The following GRIA4 variants were observed in gnomAD, a reference collection of about 807,000 sequenced individuals.
GRIA4 encodes glutamate ionotropic receptor AMPA type subunit 4, also known as glutamate receptor 4.
Under a neutral mutation model 104.0 loss-of-function variants are expected in GRIA4, and 34 were observed. The ratio of observed to expected loss-of-function variants is 0.33; its 90% CI spans 0.25 to 0.44. The LOEUF (loss-of-function observed/expected upper bound fraction) is 0.44, where lower values mean the gene tolerates loss of function less well. Ranked by LOEUF, GRIA4 falls within the 20% of genes least tolerant of loss-of-function variation. The pLI is 1.00. For synonymous variants in GRIA4, 386 were observed against 381.9 expected (o/e 1.01, Z -0.13); for missense variants, 750 against 1,096.5 (o/e 0.68, Z 4.46).
In GRIA4 at chr11:105,772,919, C is replaced by A. The variant is rs539049707; in HGVS notation, c.487+19699C>A. On this transcript the variant is annotated intron_variant, in intron 4 of 16. Transcript: ENST00000282499. ...TTATTGTAAAACAAGAAAACTAATA[C>A]AAATAAGCTAAGCTTTAACTCAAGA... 3.3e-5 allele frequency among the ~76,000 whole-genome samples: 5 copies of A among 151,988 alleles called. No homozygotes were observed. The South Asian group carries it at 1.0e-3, about 32-fold the overall frequency.
chr11:105,897,581 T>C (rs955390893), intron 6 of GRIA4, among the ~76,000 whole-genome samples: 2 of 152,070 alleles, frequency 1.3e-5, no homozygotes, highest in Admixed American at 6.6e-5. Flanking sequence ...AGATATGTTC[T>C]TTTGATGCCT....
At chr11:105,844,163 A>C (rs540538318) in intron 4 of GRIA4, among the ~76,000 whole-genome samples, 13 of 152,304 alleles carry the variant, frequency 8.5e-5, no homozygotes, top group Non-Finnish European at 1.6e-4. Context: ...ATAAGCAATC[A>C]AAGTTAAACA....
chr11:105,887,294 C>T (rs935074659), intron 5 of GRIA4, among the ~76,000 whole-genome samples: 6 of 151,954 alleles, frequency 3.9e-5, no homozygotes, highest in Admixed American at 2.0e-4. Flanking sequence ...ATTTTCTGAA[C>T]GAGGTTGATA....
chr11:105,783,782 G>GTGTGTA (rs1941836939), intron 4 of GRIA4, among the ~76,000 whole-genome samples: 1 of 142,040 alleles, frequency 7.0e-6, no homozygotes, highest in Non-Finnish European at 1.6e-5. Context: ...GTGTGTGTGT[G>GTGTGTA]TGTGTATGTG....
At chr11:105,713,617 G>A (rs770377811) in intron 3 of GRIA4, among the ~76,000 whole-genome samples, 8 of 152,024 alleles carry the variant, frequency 5.3e-5, no homozygotes, top group Admixed American at 2.0e-4. Context: ...TGTGATTTGT[G>A]GGGATAAAAG....
In GRIA4 at chr11:105,779,318, T is replaced by A. The variant is rs545580942; in HGVS notation, c.487+26098T>A. ...TACAAACAAATGGAAGAACATTCCA[T>A]GCTCATGGGTGGGAAGAATCAATAT... On this transcript the variant is annotated intron_variant, in intron 4 of 16. Coordinates refer to ENST00000282499, the MANE Select transcript of GRIA4 (RefSeq NM_000829.4). 5.9e-5 allele frequency among the ~76,000 whole-genome samples: 9 copies of A among 152,198 alleles called. No individual in the cohort carries two copies. In the East Asian group the frequency reaches 1.7e-3, roughly 30 times the overall value.
intron 5 of GRIA4, among the ~76,000 whole-genome samples, chr11:105,866,549 G>GTATATATATATATATA (rs1345654796): frequency 9.3e-4 from 73 of 78,196 alleles, no homozygotes; most frequent in African/African-American, 2.4e-3. Flanking sequence ...GTGTGTGTGT[G>GTATATATATATATATA]TGTATATATA....
intron 4 of GRIA4, among the ~76,000 whole-genome samples, chr11:105,780,973 C>T (rs1164145471): frequency 1.3e-5 from 2 of 152,162 alleles, no homozygotes; most frequent in Non-Finnish European, 2.9e-5. Context: ...GTCATTCAAC[C>T]TCTAGCTCAT....
Position 105,888,143 on chromosome 11 carries a change from C to T in GRIA4, c.726+571C>T, listed in dbSNP as rs369059412. 4.6e-5 allele frequency among the ~76,000 whole-genome samples: 7 copies of T among 151,970 alleles called. No individual in the cohort carries two copies. In the East Asian group the frequency reaches 1.2e-3, roughly 25 times the overall value. Reference sequence around the variant, plus strand: ...GGCTCATTGAATATGTCTTGTTAACCATGTAGTGTAGGGGGTAGATTATGT... The same window carrying T: ...GGCTCATTGAATATGTCTTGTTAACTATGTAGTGTAGGGGGTAGATTATGT... On this transcript the variant is annotated intron_variant, in intron 6 of 16. Transcript: ENST00000282499.
intron 4 of GRIA4, among the ~76,000 whole-genome samples, chr11:105,777,472 C>A (rs1284211907): frequency 6.6e-6 from 1 of 152,012 alleles, no homozygotes; most frequent in Non-Finnish European, 1.5e-5. Flanking sequence ...ATGTGTCTTT[C>A]CTTATATTCT....
chr11:105,825,233 C>T (rs1943724624), intron 4 of GRIA4, among the ~76,000 whole-genome samples: 1 of 151,966 alleles, frequency 6.6e-6, no homozygotes, highest in African/African-American at 2.4e-5. Flanking sequence ...AGCCAAGTGG[C>T]CACATTCATT....
At chr11:105,623,419 A>G (rs1950805721) in intron 3 of GRIA4, among the ~76,000 whole-genome samples, 1 of 151,980 alleles carries the variant, frequency 6.6e-6, no homozygotes, top group Non-Finnish European at 1.5e-5. Context: ...TAAATCAGAG[A>G]CTGTTTCTTT....
chr11:105,698,345 T>G (rs1314600055), intron 3 of GRIA4, among the ~76,000 whole-genome samples: 1 of 152,202 alleles, frequency 6.6e-6, no homozygotes, highest in Non-Finnish European at 1.5e-5. Context: ...TGTTTTTGTA[T>G]AAACCTCATG....
At chr11:105,722,863 C>T (rs1937925521) in intron 3 of GRIA4, among the ~76,000 whole-genome samples, 1 of 152,022 alleles carries the variant, frequency 6.6e-6, no homozygotes, top group East Asian at 1.9e-4. Flanking sequence ...ATAGTCTAGG[C>T]ATTTTTACAG....
intron 6 of GRIA4, among the ~76,000 whole-genome samples, chr11:105,891,297 TCTC>T (rs1186783479): frequency 1.3e-5 from 2 of 152,170 alleles, no homozygotes; most frequent in Non-Finnish European, 2.9e-5. Flanking sequence ...GTGTCTCACT[TCTC>T]CTCAGAGTTT....
chr11:105,630,714 A>G (rs1951014727), intron 3 of GRIA4, among the ~76,000 whole-genome samples: 1 of 152,274 alleles, frequency 6.6e-6, no homozygotes, highest in Admixed American at 6.5e-5. Flanking sequence ...ATTTTTTTTA[A>G]AAAAATTTTA....
chr11:105,919,916 A>T (rs1036456275), intron 11 of GRIA4, among the ~76,000 whole-genome samples: 2 of 152,164 alleles, frequency 1.3e-5, no homozygotes, highest in African/African-American at 4.8e-5. Context: ...ACAGACAGTC[A>T]TCTTCTTCAG....
intron 10 of GRIA4, chr11:105,912,477 CAA>C (rs550991472): frequency 2.5e-4 from 190 of 757,234 alleles, no homozygotes; most frequent in Middle Eastern, 6.7e-4. Context: ...AGCATGCTAT[CAA>C]AAAAAAAAAG....
intron 15 of GRIA4, among the ~76,000 whole-genome samples, chr11:105,973,256 AT>A (rs1858789506): frequency 6.6e-6 from 1 of 152,154 alleles, no homozygotes; most frequent in Admixed American, 6.5e-5. Context: ...TCTGAATCAC[AT>A]TTTGCACAAA....
Sources: gnomAD v4.1 joint callset for allele counts (sites outside exome capture counted in the v4.1 genomes callset) on GRCh38, gnomAD v4.1.1 for gene constraint, MANE v1.5 for transcripts, NCBI Gene and HGNC (gene_info 2026-07-23, HGNC 2026-07-21) for gene names.